Variants in NEK11 observed in about 807,000 individuals in gnomAD.
The protein encoded by NEK11 is serine/threonine-protein kinase Nek11.
In NEK11, 72 loss-of-function variants were observed where a neutral mutation model predicts 80.7. That is an observed-to-expected ratio of 0.89 (90% CI 0.74 to 1.08). NEK11 has a LOEUF of 1.08. NEK11 is among the 50% of genes least tolerant of loss of function. The probability of loss-of-function intolerance (pLI) is 0.00; values close to 1 mark genes in which losing one functional copy is unlikely to be tolerated. For missense variants in NEK11, 764 were observed against 763.6 expected, an observed-to-expected ratio of 1.00 and a Z score of -0.01; for synonymous variants, 251 against 260.7, an observed-to-expected ratio of 0.96 and a Z score of 0.36.
At chr3:131,290,947 T>A (rs1033172281) in intron 17 of NEK11, among the ~76,000 whole-genome samples, 13 of 152,176 alleles carry the variant, frequency 8.5e-5, no homozygotes, top group African/African-American at 2.7e-4. Flanking sequence ...TACAGCATAA[T>A]CACCCAAAGT....
intron 3 of NEK11, among the ~76,000 whole-genome samples, chr3:131,043,556 A>G (rs2066868962): frequency 6.6e-6 from 1 of 152,232 alleles, no homozygotes; most frequent in Non-Finnish European, 1.5e-5. Flanking sequence ...TGAAGACAAG[A>G]TTAGAGAAAA....
chr3:131,250,099 A>G (rs2108266904), intron 16 of NEK11, among the ~76,000 whole-genome samples: 1 of 152,220 alleles, frequency 6.6e-6, no homozygotes, highest in South Asian at 2.1e-4. Context: ...AAGAGCTCTT[A>G]AAGTTATAAT....
chr3:131,188,908 A>G (rs192342466), intron 14 of NEK11, among the ~76,000 whole-genome samples: 26 of 152,328 alleles, frequency 1.7e-4, no homozygotes, highest in African/African-American at 6.3e-4. Flanking sequence ...TTTGGAATAA[A>G]GATCTTTGCA....
At position 131,331,652 on chromosome 3, in the gene NEK11, C is replaced by T. The variant is rs575490048; in HGVS notation, c.1719-17905C>T. Among the ~76,000 whole-genome samples the T allele has an allele frequency of 1.2e-4, 18 of 152,280 alleles. 1 individual carries two copies. The East Asian group carries it at 1.5e-3, about 13-fold the overall frequency. The stretch of plus-strand genomic sequence containing the variant: ...GCACCGTGCGTGAGCCGAAGCAGGG[C>T]GAGCAAGGCATTGCCTCACTCGGGA... On this transcript the variant is annotated intron_variant, in intron 17 of 17. Coordinates refer to ENST00000383366, the MANE Select transcript of NEK11 (RefSeq NM_024800.5).
Position 131,129,052 on chromosome 3 carries a change from C to CTTTT in NEK11, c.456-3677_456-3674dup, listed in dbSNP as rs759751535. The stretch of plus-strand genomic sequence containing the variant: ...TTCTTTGTATATTTTGGATAACAGT[C>CTTTT]TTTTTTTTTTTTTTTTTTTGAGACT... On this transcript the variant is annotated intron_variant, in intron 5 of 17. Coordinates refer to ENST00000383366, the MANE Select transcript of NEK11 (RefSeq NM_024800.5). 7.8e-4 allele frequency among the ~76,000 whole-genome samples: 85 copies of CTTTT among 109,544 alleles called. 1 individual carries two copies. Among genetic ancestry groups the CTTTT allele is most frequent in the African/African-American group, 1.3e-3 (35 of 27,484 alleles). 71.9% of individuals were successfully genotyped at this position (109,544 alleles called of 152,430 possible). A position where few individuals can be genotyped will look rare whatever the true frequency, so the allele number is the denominator to read the frequency against.
chr3:131,028,647 C>T (rs1042751278), intron 2 of NEK11, among the ~76,000 whole-genome samples: 8 of 151,996 alleles, frequency 5.3e-5, no homozygotes, highest in Non-Finnish European at 1.0e-4. Context: ...CTGCAAGCTC[C>T]GCCTCCTGGG....
chr3:131,093,077 G>C (rs1337883201), intron 4 of NEK11: 3 of 152,140 alleles, frequency 2.0e-5, no homozygotes, highest in Non-Finnish European at 4.4e-5. Flanking sequence ...CCACACATAT[G>C]GTTGATCATT....
At chr3:131,083,957 T>G (rs564489466) in intron 4 of NEK11, among the ~76,000 whole-genome samples, 1 of 152,324 alleles carries the variant, frequency 6.6e-6, no homozygotes, top group African/African-American at 2.4e-5. Flanking sequence ...CCTTTTCATC[T>G]TTGCTTAGGC....
chr3:131,202,239 C>T (rs761344646), intron 14 of NEK11, among the ~76,000 whole-genome samples: 60 of 152,194 alleles, frequency 3.9e-4, no homozygotes, highest in Admixed American at 1.5e-3. Context: ...CTCATTGGGA[C>T]GGGCTGGACA....
chr3:131,328,159 G>A lies in NEK11; in HGVS notation c.1719-21398G>A, dbSNP rs189904101. Reference sequence around the variant, plus strand: ...TTTTAATGAGCTGGGTTGTGGTGGTGTATTCCTGTAGTCCCAGCTATTCTA... The same window carrying A: ...TTTTAATGAGCTGGGTTGTGGTGGTATATTCCTGTAGTCCCAGCTATTCTA... On this transcript the variant is annotated intron_variant, in intron 17 of 17. Coordinates refer to ENST00000383366, the MANE Select transcript of NEK11 (RefSeq NM_024800.5). Among the ~76,000 whole-genome samples, 711 of 152,090 alleles carry A rather than the reference G, an allele frequency of 4.7e-3. 7 individuals are homozygous for A. Among genetic ancestry groups the A allele is most frequent in the Admixed American group, 8.4e-3 (128 of 15,278 alleles).
At chr3:131,335,664 G>C (rs892827602) in intron 17 of NEK11, among the ~76,000 whole-genome samples, 3 of 152,160 alleles carry the variant, frequency 2.0e-5, no homozygotes. Context: ...ATTAGGAAAA[G>C]AAGAAGTCAA....
intron 16 of NEK11, among the ~76,000 whole-genome samples, chr3:131,248,656 C>T (rs1364205340): frequency 6.6e-6 from 1 of 152,090 alleles, no homozygotes; most frequent in Non-Finnish European, 1.5e-5. Context: ...TAGGGCTTTA[C>T]TCACAGTTCT....
At chr3:131,031,532 A>C (rs1353601263) in intron 3 of NEK11, among the ~76,000 whole-genome samples, 1 of 152,244 alleles carries the variant, frequency 6.6e-6, no homozygotes, top group Non-Finnish European at 1.5e-5. Flanking sequence ...AGGAGGACTA[A>C]AAAGTTAATT....
intron 5 of NEK11, among the ~76,000 whole-genome samples, chr3:131,123,326 C>T (rs2149487835): frequency 6.6e-6 from 1 of 152,080 alleles, no homozygotes; most frequent in Non-Finnish European, 1.5e-5. Flanking sequence ...GCCACCATGC[C>T]CGTCTAATTT....
At chr3:131,345,344 G>A (rs1289961647) in intron 17 of NEK11, among the ~76,000 whole-genome samples, 2 of 152,050 alleles carry the variant, frequency 1.3e-5, no homozygotes, top group African/African-American at 2.4e-5. Flanking sequence ...CAACTTAACT[G>A]CAAAAAACCA....
Position 131,264,873 on chromosome 3 carries a change from G to A in NEK11, c.1622-8605G>A, listed in dbSNP as rs189490712. On this transcript the variant is annotated intron_variant, in intron 16 of 17. Transcript: ENST00000383366. ...ATGGAATGATTTTCCATTTGTTTGT[G>A]TCCTCTTTTATTTCATTGAACAGTG... is the stretch of plus-strand genomic sequence containing the variant. Among the ~76,000 whole-genome samples the A allele has an allele frequency of 1.2e-4, 19 of 152,154 alleles. 1 individual carries two copies. In the East Asian group the frequency reaches 2.5e-3, roughly 20 times the overall value.
At chr3:131,311,323 C>A (rs895298133) in intron 17 of NEK11, among the ~76,000 whole-genome samples, 2 of 152,122 alleles carry the variant, frequency 1.3e-5, no homozygotes, top group Non-Finnish European at 2.9e-5. Context: ...ACTATAGTCA[C>A]CCTACTCTGC....
chr3:131,033,946 A>C (rs1219773641), intron 3 of NEK11, among the ~76,000 whole-genome samples: 1 of 152,226 alleles, frequency 6.6e-6, no homozygotes, highest in Non-Finnish European at 1.5e-5. Context: ...ATGCATCATG[A>C]AATTCATAAA....
intron 17 of NEK11, chr3:131,325,916 A>T (rs1025951191): frequency 6.6e-6 from 1 of 152,252 alleles, no homozygotes; most frequent in African/African-American, 2.4e-5. Flanking sequence ...TGCCAGATTG[A>T]TAAATGAGCA....
Sources: allele counts gnomAD v4.1 joint callset (sites outside exome capture counted in the v4.1 genomes callset), GRCh38; gene constraint gnomAD v4.1.1; transcripts MANE v1.5; gene names NCBI Gene and HGNC (gene_info 2026-07-23, HGNC 2026-07-21).